The following CSMD1 variants were observed in gnomAD, a reference collection of about 807,000 sequenced individuals.
CSMD1 encodes CUB and sushi domain-containing protein 1.
CSMD1 carries 213 observed loss-of-function variants against 417.5 expected under a neutral mutation model. The observed-to-expected ratio is 0.51, with a 90% confidence interval of 0.46 to 0.57. CSMD1 has a LOEUF of 0.57. Among genes scored for constraint, CSMD1 ranks in the 20% least tolerant of loss-of-function variants. The pLI is 0.00. For missense variants in CSMD1, 6,923 were observed against 4,529.7 expected (o/e 1.53, Z -15.17); for synonymous variants, 2,862 against 1,736.8 (o/e 1.65, Z -16.11).
intron 2 of CSMD1, among the ~76,000 whole-genome samples, chr8:4,617,753 G>C (rs1256890574): frequency 6.6e-6 from 1 of 151,888 alleles, no homozygotes; most frequent in Admixed American, 6.6e-5. Flanking sequence ...TTTCCTATTT[G>C]GCATTCCTCA....
chr8:3,200,617 T>C (rs1359807833), intron 32 of CSMD1, among the ~76,000 whole-genome samples: 1 of 151,446 alleles, frequency 6.6e-6, no homozygotes, highest in Non-Finnish European at 1.5e-5. Flanking sequence ...AAAGTGCATA[T>C]AAAATGTGGA....
Position 4,868,288 on chromosome 8 carries a change from C to A in CSMD1, c.85+126044G>T, listed in dbSNP as rs187764294. Among the ~76,000 whole-genome samples the A allele has an allele frequency of 4.3e-4, 65 of 152,180 alleles. 1 individual carries two copies. Among genetic ancestry groups the A allele is most frequent in the Middle Eastern group, 3.4e-3 (1 of 294 alleles). On this transcript the variant is annotated intron_variant, in intron 1 of 69. Transcript: ENST00000635120. Reference sequence around the variant, plus strand: ...TCACACTTTCACCCAGGCTGGAGAGCAGTGGCGCGATCTCGGCTCAGTGAA... The same window carrying A: ...TCACACTTTCACCCAGGCTGGAGAGAAGTGGCGCGATCTCGGCTCAGTGAA...
At chr8:3,342,248 G>C (rs749520191) in intron 23 of CSMD1, among the ~76,000 whole-genome samples, 3 of 152,150 alleles carry the variant, frequency 2.0e-5, no homozygotes, top group Non-Finnish European at 2.9e-5. Context: ...AGGGATTTGA[G>C]GTGATTAATC....
At chr8:4,308,701 T>C (rs760480199) in intron 3 of CSMD1, among the ~76,000 whole-genome samples, 1 of 152,206 alleles carries the variant, frequency 6.6e-6, no homozygotes, top group African/African-American at 2.4e-5. Context: ...TGGAGTTTAA[T>C]TGCATTTGCA....
At chr8:3,862,052 A>T (rs1804748497) in intron 5 of CSMD1, among the ~76,000 whole-genome samples, 2 of 152,196 alleles carry the variant, frequency 1.3e-5, no homozygotes, top group Admixed American at 6.5e-5. Flanking sequence ...GCTAAATCAA[A>T]GTTTTCTCTC....
At chr8:4,443,645 T>G (rs1319411309) in intron 2 of CSMD1, among the ~76,000 whole-genome samples, 2 of 152,222 alleles carry the variant, frequency 1.3e-5, no homozygotes, top group African/African-American at 4.8e-5. Flanking sequence ...GCCATGCCGT[T>G]GACGTGCAGT....
In CSMD1 at chr8:4,331,138, C is replaced by G. The variant is rs547373698; in HGVS notation, c.415+88815G>C. Among the ~76,000 whole-genome samples the G allele has an allele frequency of 1.5e-4, 23 of 152,070 alleles. 2 individuals carry two copies. On this transcript the variant is annotated intron_variant, in intron 3 of 69. Transcript: ENST00000635120. ...AATATATTTCCCGAAACTAAACTACCGAACTATCCTCCCCAAATTATTTGC... is the reference window on the plus strand; with the variant it reads ...AATATATTTCCCGAAACTAAACTACGGAACTATCCTCCCCAAATTATTTGC...
At chr8:4,468,799 A>G (rs1800345479) in intron 2 of CSMD1, among the ~76,000 whole-genome samples, 1 of 152,190 alleles carries the variant, frequency 6.6e-6, no homozygotes, top group South Asian at 2.1e-4. Context: ...TATAATGGAT[A>G]ATCAATAATT....
chr8:4,677,295 G>T (rs1288450898), intron 1 of CSMD1, among the ~76,000 whole-genome samples: 1 of 151,788 alleles, frequency 6.6e-6, no homozygotes, highest in Non-Finnish European at 1.5e-5. Context: ...AGAAATTAAA[G>T]TGAAGAAAGA....
intron 2 of CSMD1, among the ~76,000 whole-genome samples, chr8:4,551,344 G>A (rs771053992): frequency 6.6e-6 from 1 of 152,140 alleles, no homozygotes; most frequent in East Asian, 1.9e-4. Context: ...GAGTGCCTTT[G>A]GTGTGCTGTG....
intron 5 of CSMD1, among the ~76,000 whole-genome samples, chr8:3,975,928 T>C (rs1813405480): frequency 6.6e-6 from 1 of 152,206 alleles, no homozygotes; most frequent in South Asian, 2.1e-4. Flanking sequence ...ATAAAAGTTA[T>C]TTGCAGTATG....
At chr8:4,008,600 C>CTTTTT (rs1161117794) in intron 4 of CSMD1, among the ~76,000 whole-genome samples, 490 of 80,378 alleles carry the variant, frequency 6.1e-3, no homozygotes, top group Non-Finnish European at 8.0e-3. Flanking sequence ...TTCTTTTTTT[C>CTTTTT]TTTTTTTTTT....
At chr8:3,957,433 T>C (rs1457321866) in intron 5 of CSMD1, among the ~76,000 whole-genome samples, 1 of 152,190 alleles carries the variant, frequency 6.6e-6, no homozygotes, top group Non-Finnish European at 1.5e-5. Flanking sequence ...AACCCAGCAC[T>C]TTGGGAGGCC....
chr8:4,224,648 A>G (rs1801236287), intron 3 of CSMD1, among the ~76,000 whole-genome samples: 1 of 152,208 alleles, frequency 6.6e-6, no homozygotes, highest in Admixed American at 6.5e-5. Context: ...GTGAAGAGGG[A>G]GATAAGTGGA....
intron 7 of CSMD1, among the ~76,000 whole-genome samples, chr8:3,667,731 G>C (rs753601202): frequency 6.6e-6 from 1 of 152,194 alleles, no homozygotes; most frequent in African/African-American, 2.4e-5. Flanking sequence ...ACTCATTAGA[G>C]AAAGTAAACA....
intron 11 of CSMD1, among the ~76,000 whole-genome samples, chr8:3,473,447 T>G (rs1817223041): frequency 1.3e-5 from 2 of 152,210 alleles, no homozygotes; most frequent in South Asian, 2.1e-4. Flanking sequence ...TAAATTTTTA[T>G]GTTATTTTAT....
chr8:4,008,306 T>A (rs1006135572), intron 4 of CSMD1, among the ~76,000 whole-genome samples: 1 of 152,092 alleles, frequency 6.6e-6, no homozygotes, highest in African/African-American at 2.4e-5. Context: ...AGTTATTCTG[T>A]TCAATTTTTA....
chr8:3,799,213 T>A (rs1280921936), intron 5 of CSMD1, among the ~76,000 whole-genome samples: 1 of 152,014 alleles, frequency 6.6e-6, no homozygotes, highest in Non-Finnish European at 1.5e-5. Flanking sequence ...TAACTTACCT[T>A]TCACAACTGA....
intron 3 of CSMD1, among the ~76,000 whole-genome samples, chr8:4,294,908 C>A (rs1797576146): frequency 6.6e-6 from 1 of 151,598 alleles, no homozygotes; most frequent in African/African-American, 2.4e-5. Flanking sequence ...GAACGAAAGC[C>A]TCAGGTAACC....
Sources: allele counts gnomAD v4.1 joint callset (sites outside exome capture counted in the v4.1 genomes callset), GRCh38; gene constraint gnomAD v4.1.1; transcripts MANE v1.5; gene names NCBI Gene and HGNC (gene_info 2026-07-23, HGNC 2026-07-21).